SLC25A10: variants seen among roughly 807,000 people sequenced by gnomAD.
The protein encoded by SLC25A10 is mitochondrial dicarboxylate carrier.
In SLC25A10, 32 loss-of-function variants were observed where a neutral mutation model predicts 40.4. The ratio of observed to expected loss-of-function variants is 0.79; its 90% CI spans 0.60 to 1.06. The LOEUF (loss-of-function observed/expected upper bound fraction) is 1.06, where lower values mean the gene tolerates loss of function less well. Among genes scored for constraint, SLC25A10 ranks in the 50% least tolerant of loss-of-function variants. The pLI, the probability that SLC25A10 is intolerant of heterozygous loss-of-function variation, is 0.00. For synonymous variants in SLC25A10, 181 were observed against 171.1 expected, an observed-to-expected ratio of 1.06 and a Z score of -0.45; for missense variants, 394 against 402.6, an observed-to-expected ratio of 0.98 and a Z score of 0.18.
chr17:81,713,638 C>A (rs1246194098), intron 1 of SLC25A10: 8 of 265,458 alleles, frequency 3.0e-5, no homozygotes, highest in Admixed American at 6.5e-5. Flanking sequence ...CTGGCATGGG[C>A]AGAAGAAGCG....
Position 81,715,523 on chromosome 17 carries a change from G to T in SLC25A10, c.259G>T (p.Asp87Tyr), listed in dbSNP as rs771138198. 4.3e-6 allele frequency: 7 copies of T among 1,612,916 alleles called. No homozygotes were observed. In the Admixed American group the frequency reaches 1.2e-4, roughly 27 times the overall value. Residue 87 changes from aspartate (D) to tyrosine (Y), a missense_variant, in exon 3 of 11, where the codon GAC becomes TAC. Transcript: ENST00000350690. ...TRFAIYETVR[D>Y]RVAKGSQGPL... ...GTTCGCCATCTACGAGACTGTGCGGGACCGTGTGGCCAAGGGCAGCCAGGG... is the reference window on the plus strand; with the variant it reads ...GTTCGCCATCTACGAGACTGTGCGGTACCGTGTGGCCAAGGGCAGCCAGGG...
chr17:81,717,705 A>C, intron 8 of SLC25A10, 79 bp from the exon 9 acceptor site: 1 of 1,511,674 alleles, frequency 6.6e-7, no homozygotes. Flanking sequence ...AGTCAGGTGG[A>C]GGTTCTGGCA....
At chr17:81,717,207 G>A (rs911376685) in intron 7 of SLC25A10, 135 bp downstream of exon 7, 2 of 1,128,988 alleles carry the variant, frequency 1.8e-6, no homozygotes, top group African/African-American at 3.1e-5. Context: ...GTGGGGCAGG[G>A]TGGGGGGCAC....
intron 9 of SLC25A10, 138 bp from the exon 10 acceptor site, chr17:81,719,693 G>A (rs1460625461): frequency 3.3e-5 from 34 of 1,018,200 alleles, no homozygotes; most frequent in East Asian, 4.8e-5. Context: ...AGCAGCCGCC[G>A]CTCACACCCA....
chr17:81,720,009 C>G lies in SLC25A10; in HGVS notation c.796C>G (p.His266Asp). 6.2e-7 allele frequency: 1 copy of G among 1,613,858 alleles called. No homozygotes were observed. The highest frequency in any genetic ancestry group is 8.5e-7 in the Non-Finnish European group (1 of 1,180,036). The change falls in exon 11 of 11, where the codon CAC becomes GAC. Residue 266 changes from histidine to aspartate, a missense_variant. Coordinates refer to ENST00000350690, the MANE Select transcript of SLC25A10 (RefSeq NM_012140.5). ...LVPAGIRLIP[H>D]TVLTFVFLEQ... ...CCCAGCTGGCATCCGCCTCATCCCC[C>G]ACACCGTGCTCACTTTTGTGTTTCT...
At chr17:81,719,622 C>T in intron 9 of SLC25A10, among the ~76,000 whole-genome samples, 1 of 152,224 alleles carries the variant, frequency 6.6e-6, no homozygotes, top group Non-Finnish European at 1.5e-5. Flanking sequence ...ACCGCATGAG[C>T]AGGCAGGGTG....
At position 81,717,580 on chromosome 17, in the gene SLC25A10, G is replaced by A. The variant is rs368116478; in HGVS notation, c.627+89G>A. The A allele has an allele frequency of 3.6e-3, 5,318 of 1,475,384 alleles. 23 individuals are homozygous for A. The highest frequency in any genetic ancestry group is 0.013 in the South Asian group (1,095 of 87,534). 91.4% of individuals were successfully genotyped at this position (1,475,384 alleles called of 1,614,324 possible). ...GGATGGGGCGAGGGCTGGGGGAGGCGGGGGCCTTGGGCATCTGGCAGTGCC... is the reference window on the plus strand; with the variant it reads ...GGATGGGGCGAGGGCTGGGGGAGGCAGGGGCCTTGGGCATCTGGCAGTGCC... On this transcript the variant is annotated intron_variant, in intron 8 of 10. Transcript: ENST00000350690.
intron 9 of SLC25A10, 32 bp downstream of exon 9, chr17:81,717,893 G>A (rs2037518902): frequency 1.3e-6 from 2 of 1,544,234 alleles, no homozygotes; most frequent in Non-Finnish European, 1.8e-6. Context: ...CAGTTGGGCT[G>A]CACAGCCCAG....
chr17:81,720,518 C>A lies in SLC25A10; in HGVS notation c.*441C>A. ...TGGCTGTTGCTCACCCAAGTGCTAGCTCTGCACTTCGTGTCTGCTGAGAGC... is the reference window on the plus strand; with the variant it reads ...TGGCTGTTGCTCACCCAAGTGCTAGATCTGCACTTCGTGTCTGCTGAGAGC... On this transcript the variant is annotated 3_prime_UTR_variant, in exon 11 of 11. Coordinates refer to ENST00000350690, the MANE Select transcript of SLC25A10 (RefSeq NM_012140.5). 2 of 1,305,140 alleles carry A rather than the reference C, an allele frequency of 1.5e-6. No homozygotes were observed. The highest frequency in any genetic ancestry group is 1.9e-6 in the Non-Finnish European group (2 of 1,031,612). 80.8% of individuals were successfully genotyped at this position (1,305,140 alleles called of 1,614,324 possible).
rs748582505 is a variant in SLC25A10 at position 81,715,726 on chromosome 17, A to T, written c.362A>T (p.Asp121Val). 4 of 1,613,266 alleles carry T rather than the reference A, an allele frequency of 2.5e-6. No individual in the cohort carries two copies. The highest frequency in any genetic ancestry group is 3.4e-6 in the Non-Finnish European group (4 of 1,179,938). ...GGAGGCTTCGTGGGGACGCCCGCAGACTTGGTCAACGTCAGGTTGGTGTTC... is the reference window on the plus strand; with the variant it reads ...GGAGGCTTCGTGGGGACGCCCGCAGTCTTGGTCAACGTCAGGTTGGTGTTC... ...LAGGFVGTPADLVNVRMQNDV... is the reference protein window; with the variant it reads ...LAGGFVGTPAVLVNVRMQNDV... Residue 121 changes from aspartate to valine, a missense_variant, in exon 4 of 11, where the codon GAC becomes GTC. Coordinates refer to ENST00000350690, the MANE Select transcript of SLC25A10 (RefSeq NM_012140.5).
rs191777355 is a variant in SLC25A10, at chr17:81,719,035, G to A, written c.706-796G>A. On this transcript the variant is annotated intron_variant, in intron 9 of 10. Transcript: ENST00000350690. ...CAACCTCCACCTCCTGGGATCAAGC[G>A]ATTCTCCTGCCTCAGCCTCCCAAGT... Among the ~76,000 whole-genome samples the A allele has an allele frequency of 4.9e-3, 735 of 149,624 alleles. 2 individuals are homozygous for A. The highest frequency in any genetic ancestry group is 7.1e-3 in the Non-Finnish European group (482 of 67,414).
chr17:81,719,604 C>G (rs1037853614), intron 9 of SLC25A10, among the ~76,000 whole-genome samples: 8 of 152,220 alleles, frequency 5.3e-5, no homozygotes, highest in Non-Finnish European at 1.0e-4. Context: ...CCCTCGGGCC[C>G]TGGTTGTACC....
intron 1 of SLC25A10, chr17:81,713,323 C>T (rs35953598): frequency 0.056 from 17,954 of 319,368 alleles, 621 homozygotes; most frequent in East Asian, 0.21. Flanking sequence ...GAAGAAAGGG[C>T]CTGAGGCTTT....
In SLC25A10 at chr17:81,715,084, G is replaced by A. The variant is rs1270154323; in HGVS notation, c.213+12G>A. 1.9e-6 allele frequency: 3 copies of A among 1,607,544 alleles called. No homozygotes were observed. Among genetic ancestry groups the A allele is most frequent in the African/African-American group, 1.3e-5 (1 of 74,896 alleles). On this transcript the variant is annotated intron_variant, in intron 2 of 10. Coordinates refer to ENST00000350690, the MANE Select transcript of SLC25A10 (RefSeq NM_012140.5). ...CGCTGTGCAGACAGGTGCGTGGTGT[G>A]TGCCAGCCTTGGGCTCCCAGACTGG...
intron 2 of SLC25A10, 36 bp from the exon 3 acceptor site, chr17:81,715,442 G>C (rs372600097): frequency 1.2e-5 from 19 of 1,560,056 alleles, no homozygotes; most frequent in Non-Finnish European, 1.7e-5. Context: ...GGTGTGGGGC[G>C]TGCCCGTCCC....
In SLC25A10 at chr17:81,715,017, G is replaced by T; in HGVS notation, c.158G>T (p.Arg53Leu). The change falls in exon 2 of 11, where the codon CGT becomes CTT. Residue 53 changes from arginine (R) to leucine (L), a missense_variant. Physicochemically the swap from Arg to Leu is moderately radical, Grantham distance 102 (BLOSUM62 -2). Coordinates refer to ENST00000350690, the MANE Select transcript of SLC25A10 (RefSeq NM_012140.5). Reference sequence around the variant, plus strand: ...ACGGGCATGGCGCTGCGGGTGGTGCGTACCGACGGCATCCTGGCACTCTAC... The same window carrying T: ...ACGGGCATGGCGCTGCGGGTGGTGCTTACCGACGGCATCCTGGCACTCTAC... ...RMTGMALRVV[R>L]TDGILALYSG... 6.2e-7 allele frequency: 1 copy of T among 1,610,070 alleles called. No homozygotes were observed. The highest frequency in any genetic ancestry group is 8.5e-7 in the Non-Finnish European group (1 of 1,179,924).
At chr17:81,713,261 G>C (rs2037418368) in intron 1 of SLC25A10, 1 of 156,506 alleles carries the variant, frequency 6.4e-6, no homozygotes. Context: ...TTGTTTCCCA[G>C]GGACAGCCAA....
chr17:81,719,911 G>A (rs945054416), intron 10 of SLC25A10, 24 bp downstream of exon 10: 1 of 1,613,494 alleles, frequency 6.2e-7, no homozygotes, highest in African/African-American at 1.3e-5. Context: ...GGCAGTGGCG[G>A]CTTGGGCAAT....
chr17:81,712,523 A>G lies in SLC25A10; in HGVS notation c.93+4A>G. Reference sequence around the variant, plus strand: ...GCACCCGCTGGACCTGCTCAAGGTGAGGCCGGGGCCCGGGACGCGGGGCGG... The same window carrying G: ...GCACCCGCTGGACCTGCTCAAGGTGGGGCCGGGGCCCGGGACGCGGGGCGG... On this transcript the variant is annotated splice_donor_region_variant and intron_variant, in intron 1 of 10. Transcript: ENST00000350690. The G allele has an allele frequency of 8.0e-7, 1 of 1,244,942 alleles. No homozygotes were observed. Among genetic ancestry groups the G allele is most frequent in the Non-Finnish European group, 1.0e-6 (1 of 993,030 alleles). The allele number at this position is 1,244,942 out of a possible 1,614,324, so 77.1% of individuals were successfully genotyped here.
Sources: gnomAD v4.1 joint callset for allele counts (sites outside exome capture counted in the v4.1 genomes callset) on GRCh38, gnomAD v4.1.1 for gene constraint, MANE v1.5 for transcripts, NCBI Gene and HGNC (gene_info 2026-07-23, HGNC 2026-07-21) for gene names.